The following EEF1AKMT2 variants were observed in gnomAD, a reference collection of about 807,000 sequenced individuals.
EEF1AKMT2 encodes EEF1A lysine methyltransferase 2.
Under a neutral mutation model 35.8 loss-of-function variants are expected in EEF1AKMT2, and 32 were observed. The ratio of observed to expected loss-of-function variants is 0.89; its 90% CI spans 0.67 to 1.20. The LOEUF (loss-of-function observed/expected upper bound fraction) is 1.20. Ranked by LOEUF, EEF1AKMT2 falls within the 50% of genes most tolerant of loss-of-function variation. The probability of loss-of-function intolerance (pLI) is 0.00; values close to 1 mark genes in which losing one functional copy is unlikely to be tolerated. For synonymous variants in EEF1AKMT2, 121 were observed against 133.7 expected (o/e 0.91, Z 0.65); for missense variants, 330 against 347.5 (o/e 0.95, Z 0.40).
At chr10:124,789,266 A>G in intron 2 of EEF1AKMT2, 109 bp from the exon 3 acceptor site, 1 of 658,948 alleles carries the variant, frequency 1.5e-6, no homozygotes, top group Non-Finnish European at 2.5e-6. Flanking sequence ...TGAAAGTGAA[A>G]ACATCTGTGA....
At chr10:124,784,573 T>TA (rs904532181) in intron 3 of EEF1AKMT2, among the ~76,000 whole-genome samples, 3 of 137,402 alleles carry the variant, frequency 2.2e-5, no homozygotes, top group East Asian at 2.1e-4. Flanking sequence ...CTTAAGAAAG[T>TA]AAAAAAAGGA....
chr10:124,760,550 C>T (rs1489729970), intron 6 of EEF1AKMT2, 47 bp from the exon 7 acceptor site: 4 of 1,472,236 alleles, frequency 2.7e-6, no homozygotes, highest in East Asian at 2.3e-5. Context: ...GAGTCTCATA[C>T]TTACATGTAT....
intron 4 of EEF1AKMT2, among the ~76,000 whole-genome samples, chr10:124,772,999 T>C (rs190635691): frequency 6.6e-6 from 1 of 152,368 alleles, no homozygotes; most frequent in Admixed American, 6.5e-5. Context: ...AAAGAAATTT[T>C]GTTTTGCATT....
chr10:124,777,663 G>A (rs2134134131), intron 3 of EEF1AKMT2, among the ~76,000 whole-genome samples: 1 of 152,024 alleles, frequency 6.6e-6, no homozygotes, highest in Middle Eastern at 3.4e-3. Flanking sequence ...ATAGGCTCAT[G>A]CCACCACCAT....
chr10:124,758,567 G>A lies in EEF1AKMT2; in HGVS notation c.*1936C>T, dbSNP rs1950305529. On this transcript the variant is annotated 3_prime_UTR_variant, in exon 7 of 7. Transcript: ENST00000368836. ...ATGGCACTAACATGCCCCAAATAGTGACTCGAAAAGCTTTTCAACAAAGAA... is the reference window on the plus strand; with the variant it reads ...ATGGCACTAACATGCCCCAAATAGTAACTCGAAAAGCTTTTCAACAAAGAA... The A allele has an allele frequency of 6.7e-6, 1 of 149,690 alleles. No homozygotes were observed. The highest frequency in any genetic ancestry group is 2.5e-5 in the African/African-American group (1 of 40,762). The allele number at this position is 149,690 out of a possible 1,614,324, so 9.3% of individuals were successfully genotyped here. A position where few individuals can be genotyped will look rare whatever the true frequency, so the allele number is the denominator to read the frequency against.
intron 1 of EEF1AKMT2, 65 bp from the exon 2 acceptor site, chr10:124,790,403 G>T: frequency 8.8e-7 from 1 of 1,129,946 alleles, no homozygotes; most frequent in Non-Finnish European, 1.4e-6. Context: ...TTAAATGTAT[G>T]TTTCTAATAC....
At chr10:124,766,829 A>T (rs1207929452) in intron 4 of EEF1AKMT2, among the ~76,000 whole-genome samples, 2 of 152,216 alleles carry the variant, frequency 1.3e-5, no homozygotes, top group African/African-American at 2.4e-5. Flanking sequence ...TTTTGTGGAC[A>T]TCTATTGTCA....
At chr10:124,777,209 G>T (rs1950494490) in intron 3 of EEF1AKMT2, among the ~76,000 whole-genome samples, 1 of 151,220 alleles carries the variant, frequency 6.6e-6, no homozygotes, top group African/African-American at 2.4e-5. Context: ...AACCCAGGAG[G>T]TGGAGGTTAT....
In EEF1AKMT2 at chr10:124,762,410, C is replaced by T. The variant is rs1315297763; in HGVS notation, c.765G>A (p.Arg255=). The T allele has an allele frequency of 7.7e-7, 1 of 1,298,022 alleles. No individual in the cohort carries two copies. Among genetic ancestry groups the T allele is most frequent in the Admixed American group, 2.3e-5 (1 of 43,382 alleles). 80.4% of individuals were successfully genotyped at this position (1,298,022 alleles called of 1,614,324 possible). ...WIIFVFLAET[R]FCHVVQAGLE... is the part of the protein sequence containing the mutation. Reference sequence around the variant, plus strand: ...GACCAGCCTGGACAACATGGCAAAACCTCGTCTCTGCTAAAAATACAAAAA... The same window carrying T: ...GACCAGCCTGGACAACATGGCAAAATCTCGTCTCTGCTAAAAATACAAAAA... The change falls in exon 6 of 7, where the codon AGG becomes AGA. Residue 255 remains arginine, a synonymous_variant. Coordinates refer to ENST00000368836, the MANE Select transcript of EEF1AKMT2 (RefSeq NM_212554.4).
intron 3 of EEF1AKMT2, among the ~76,000 whole-genome samples, chr10:124,781,134 T>TG (rs1309585973): frequency 4.6e-5 from 7 of 151,820 alleles, no homozygotes; most frequent in South Asian, 2.1e-4. Context: ...TTAGTAGAGA[T>TG]GGGGGTCCAC....
At position 124,789,310 on chromosome 10, in the gene EEF1AKMT2, GA is replaced by G. The variant is rs1291535777; in HGVS notation, c.177-154del. The stretch of plus-strand genomic sequence containing the variant: ...GCTTTGTCTCTACTGTAATTTAGGA[GA>G]AACCACCTCCAGGAATACAACAGAA... On this transcript the variant is annotated intron_variant, in intron 2 of 6. Transcript: ENST00000368836. Among the ~76,000 whole-genome samples the G allele has an allele frequency of 2.0e-4, 31 of 152,264 alleles. 1 individual carries two copies. The highest frequency in any genetic ancestry group is 1.1e-3 in the Admixed American group (17 of 15,280).
chr10:124,760,559 A>T, intron 6 of EEF1AKMT2, 56 bp from the exon 7 acceptor site: 2 of 1,307,000 alleles, frequency 1.5e-6, no homozygotes, highest in Non-Finnish European at 2.2e-6. Context: ...ACTTACATGT[A>T]TTTATATGCA....
At chr10:124,766,968 T>C (rs1336861290) in intron 4 of EEF1AKMT2, among the ~76,000 whole-genome samples, 5 of 151,280 alleles carry the variant, frequency 3.3e-5, no homozygotes, top group Non-Finnish European at 7.4e-5. Flanking sequence ...AAGACCATCC[T>C]GGCTAACACG....
chr10:124,785,629 C>T (rs1162245036), intron 3 of EEF1AKMT2, among the ~76,000 whole-genome samples: 1 of 152,028 alleles, frequency 6.6e-6, no homozygotes, highest in African/African-American at 2.4e-5. Context: ...CGTGGTGGCT[C>T]ACGCTTGTAA....
intron 3 of EEF1AKMT2, among the ~76,000 whole-genome samples, chr10:124,786,278 G>A (rs927287443): frequency 2.6e-5 from 4 of 151,756 alleles, no homozygotes; most frequent in African/African-American, 7.3e-5. Flanking sequence ...AGGCCAAGAC[G>A]GGCAGATCAC....
chr10:124,775,623 C>T (rs952552348), intron 3 of EEF1AKMT2, among the ~76,000 whole-genome samples: 4 of 152,192 alleles, frequency 2.6e-5, no homozygotes, highest in African/African-American at 9.6e-5. Flanking sequence ...TCCTTTAAAA[C>T]TTAACCTACT....
chr10:124,772,740 G>A (rs1405886343), intron 4 of EEF1AKMT2, among the ~76,000 whole-genome samples: 2 of 152,118 alleles, frequency 1.3e-5, no homozygotes, highest in Non-Finnish European at 2.9e-5. Flanking sequence ...GATGGCTTCT[G>A]TTCTTAAATC....
chr10:124,774,389 A>T (rs1950469384), intron 4 of EEF1AKMT2, among the ~76,000 whole-genome samples: 1 of 146,636 alleles, frequency 6.8e-6, no homozygotes, highest in Non-Finnish European at 1.5e-5. Flanking sequence ...AAAAAAAAAA[A>T]AAAAAAAAAA....
chr10:124,770,315 G>A (rs1012086144), intron 4 of EEF1AKMT2, among the ~76,000 whole-genome samples: 5 of 152,248 alleles, frequency 3.3e-5, no homozygotes, highest in Admixed American at 3.3e-4. Context: ...TACTCGGGAG[G>A]CTGAGGCAGG....
Sources: allele counts gnomAD v4.1 joint callset (sites outside exome capture counted in the v4.1 genomes callset), GRCh38; gene constraint gnomAD v4.1.1; transcripts MANE v1.5; gene names NCBI Gene and HGNC (gene_info 2026-07-23, HGNC 2026-07-21).